Variants in HIVEP3 observed in about 807,000 individuals in gnomAD.
HIVEP3 encodes HIVEP zinc finger 3.
A neutral mutation model predicts 152.8 loss-of-function variants in HIVEP3; 49 were observed. The ratio of observed to expected loss-of-function variants is 0.32; its 90% CI spans 0.26 to 0.41. The LOEUF (loss-of-function observed/expected upper bound fraction) is 0.41, where lower values mean the gene tolerates loss of function less well. Ranked by LOEUF, HIVEP3 falls within the 10% of genes least tolerant of loss-of-function variation. The pLI, the probability that HIVEP3 is intolerant of heterozygous loss-of-function variation, is 1.00. For synonymous variants in HIVEP3, 1,269 were observed against 1,289.0 expected (o/e 0.98, Z 0.33); for missense variants, 2,790 against 3,103.3 (o/e 0.90, Z 2.40).
At chr1:41,885,535 G>A (rs891903380) in intron 1 of HIVEP3, among the ~76,000 whole-genome samples, 2 of 152,184 alleles carry the variant, frequency 1.3e-5, no homozygotes, top group Admixed American at 1.3e-4. Context: ...GCATGGTGGT[G>A]CATGCCTGTA....
chr1:41,754,145 C>T (rs781414061), intron 1 of HIVEP3, among the ~76,000 whole-genome samples: 3 of 152,192 alleles, frequency 2.0e-5, no homozygotes, highest in African/African-American at 4.8e-5. Context: ...GACACCATAG[C>T]GGCTGCCGCA....
At chr1:41,572,034 G>T (rs1303350916) in intron 5 of HIVEP3, among the ~76,000 whole-genome samples, 1 of 152,164 alleles carries the variant, frequency 6.6e-6, no homozygotes, top group African/African-American at 2.4e-5. Context: ...GGGGGAGAAG[G>T]CGTCCAAGAC....
chr1:41,732,358 T>A (rs1474745680), intron 1 of HIVEP3, among the ~76,000 whole-genome samples: 1 of 152,094 alleles, frequency 6.6e-6, no homozygotes, highest in East Asian at 1.9e-4. Context: ...TGGGAAATGA[T>A]GGAGCCAGGA....
At chr1:41,724,790 T>G (rs1361736649) in intron 1 of HIVEP3, among the ~76,000 whole-genome samples, 2 of 152,230 alleles carry the variant, frequency 1.3e-5, no homozygotes, top group Non-Finnish European at 2.9e-5. Context: ...GGCCATGAAC[T>G]CCAGCCCAGG....
chr1:41,670,219 A>G (rs1645854029), intron 2 of HIVEP3, among the ~76,000 whole-genome samples: 1 of 152,118 alleles, frequency 6.6e-6, no homozygotes, highest in South Asian at 2.1e-4. Context: ...CCATGTCCTC[A>G]TGGGTGTGAT....
chr1:41,908,979 C>T (rs187389318), intron 1 of HIVEP3, among the ~76,000 whole-genome samples: 177 of 152,194 alleles, frequency 1.2e-3, no homozygotes, highest in Non-Finnish European at 5.9e-4. Context: ...TACCTAGATA[C>T]GCTTTGTGAA....
At chr1:41,714,311 G>A (rs2124154855) in intron 1 of HIVEP3, among the ~76,000 whole-genome samples, 1 of 152,274 alleles carries the variant, frequency 6.6e-6, no homozygotes, top group Middle Eastern at 3.4e-3. Flanking sequence ...AAGAAGTGGA[G>A]GACGGGAAGA....
chr1:41,727,682 C>T (rs1221312110), intron 1 of HIVEP3, among the ~76,000 whole-genome samples: 1 of 152,224 alleles, frequency 6.6e-6, no homozygotes, highest in Non-Finnish European at 1.5e-5. Flanking sequence ...CCAACTGCTC[C>T]GTCACTTTGG....
At chr1:41,528,392 G>C (rs1363487122) in intron 5 of HIVEP3, among the ~76,000 whole-genome samples, 17 of 35,714 alleles carry the variant, frequency 4.8e-4, no homozygotes, top group South Asian at 1.1e-3. Flanking sequence ...CAGTCCACAC[G>C]CCCACCCTCA....
At chr1:41,886,429 C>T (rs550955936) in intron 1 of HIVEP3, among the ~76,000 whole-genome samples, 3 of 152,080 alleles carry the variant, frequency 2.0e-5, no homozygotes, top group South Asian at 2.1e-4. Context: ...ATATACAGAG[C>T]GGTCCGGGTG....
At chr1:41,830,011 A>T (rs1351603601) in intron 1 of HIVEP3, among the ~76,000 whole-genome samples, 1 of 152,210 alleles carries the variant, frequency 6.6e-6, no homozygotes, top group Non-Finnish European at 1.5e-5. Flanking sequence ...AGCTTCCATG[A>T]TCTCTGTGCA....
At chr1:41,564,161 C>T (rs960939770) in intron 5 of HIVEP3, among the ~76,000 whole-genome samples, 1 of 152,082 alleles carries the variant, frequency 6.6e-6, no homozygotes, top group African/African-American at 2.4e-5. Flanking sequence ...CCACTGCACT[C>T]CAGCTTGGCA....
At chr1:41,682,847 C>CTGG (rs1258949082) in intron 2 of HIVEP3, among the ~76,000 whole-genome samples, 20 of 152,112 alleles carry the variant, frequency 1.3e-4, no homozygotes, top group African/African-American at 4.6e-4. Flanking sequence ...GGACTTAGTC[C>CTGG]TGGTGCTCAC....
chr1:41,948,761 C>T (rs894847757), intron 1 of HIVEP3, among the ~76,000 whole-genome samples: 2 of 137,504 alleles, frequency 1.5e-5, no homozygotes, highest in Non-Finnish European at 2.9e-5. Flanking sequence ...AACCCTTCAC[C>T]AAACCTTTCC....
intron 1 of HIVEP3, among the ~76,000 whole-genome samples, chr1:41,735,957 G>C (rs562480464): frequency 6.6e-6 from 1 of 152,194 alleles, no homozygotes; most frequent in Admixed American, 6.5e-5. Context: ...CACTGAATCA[G>C]GCCCAAGAGT....
intron 1 of HIVEP3, among the ~76,000 whole-genome samples, chr1:41,998,229 T>C (rs1326459286): frequency 1.3e-5 from 2 of 152,206 alleles, no homozygotes; most frequent in African/African-American, 2.4e-5. Flanking sequence ...GTTCAGTTCA[T>C]AGTTCATGTC....
chr1:41,951,189 C>T (rs373043602), intron 1 of HIVEP3, among the ~76,000 whole-genome samples: 5 of 152,242 alleles, frequency 3.3e-5, no homozygotes, highest in African/African-American at 1.2e-4. Context: ...TTGAAATGCC[C>T]TTCTAAGAAT....
intron 1 of HIVEP3, among the ~76,000 whole-genome samples, chr1:41,950,082 C>T (rs1645097668): frequency 6.6e-6 from 1 of 152,136 alleles, no homozygotes. Flanking sequence ...ACGGGGCTTG[C>T]AACTTAGCTC....
chr1:41,531,347 G>A (rs527942202), intron 5 of HIVEP3, among the ~76,000 whole-genome samples: 2 of 144,426 alleles, frequency 1.4e-5, no homozygotes, highest in South Asian at 2.3e-4. Flanking sequence ...TAGAGGACAG[G>A]GGAGATGGAG....
Sources: allele counts gnomAD v4.1 joint callset (sites outside exome capture counted in the v4.1 genomes callset), GRCh38; gene constraint gnomAD v4.1.1; transcripts MANE v1.5; gene names NCBI Gene and HGNC (gene_info 2026-07-23, HGNC 2026-07-21).